The following UBN2 variants were observed in gnomAD, a reference collection of about 807,000 sequenced individuals.
The protein encoded by UBN2 is ubinuclein-2.
A neutral mutation model predicts 120.2 loss-of-function variants in UBN2; 35 were observed. That is an observed-to-expected ratio of 0.29 (90% CI 0.22 to 0.39). UBN2 has a LOEUF of 0.39. Ranked by LOEUF, UBN2 falls within the 10% of genes least tolerant of loss-of-function variation. The probability of loss-of-function intolerance (pLI) is 1.00; values close to 1 mark genes in which losing one functional copy is unlikely to be tolerated. For missense variants in UBN2, 1,693 were observed against 1,663.2 expected (o/e 1.02, Z -0.31); for synonymous variants, 661 against 648.7 (o/e 1.02, Z -0.29).
intron 5 of UBN2, among the ~76,000 whole-genome samples, chr7:139,260,680 AT>A (rs1161052317): frequency 1.3e-5 from 2 of 152,180 alleles, no homozygotes; most frequent in Non-Finnish European, 2.9e-5. Flanking sequence ...GATTACAGTC[AT>A]TAAGAAATTA....
At chr7:139,238,975 G>GT (rs1192462648) in intron 2 of UBN2, among the ~76,000 whole-genome samples, 1 of 152,256 alleles carries the variant, frequency 6.6e-6, no homozygotes, top group East Asian at 1.9e-4. Context: ...AAAATACTGT[G>GT]TTTTTTATAC....
At chr7:139,270,637 G>C (rs1045057755) in intron 8 of UBN2, among the ~76,000 whole-genome samples, 10 of 152,128 alleles carry the variant, frequency 6.6e-5, no homozygotes, top group Non-Finnish European at 1.3e-4. Context: ...CAATTAATTT[G>C]TCCATTTTAC....
chr7:139,272,487 A>G (rs1331941515), intron 9 of UBN2, 47 bp downstream of exon 9: 6 of 1,272,484 alleles, frequency 4.7e-6, no homozygotes, highest in Middle Eastern at 1.9e-4. Flanking sequence ...TGAGAAGTGT[A>G]TGTACGTTAT....
intron 2 of UBN2, 109 bp downstream of exon 2, chr7:139,237,206 C>A: frequency 1.7e-6 from 1 of 605,010 alleles, no homozygotes; most frequent in Non-Finnish European, 2.9e-6. Flanking sequence ...TTACTTTGTT[C>A]TCACCAATGG....
intron 3 of UBN2, among the ~76,000 whole-genome samples, chr7:139,254,324 G>A (rs988742991): frequency 4.6e-5 from 7 of 152,154 alleles, no homozygotes; most frequent in Admixed American, 2.0e-4. Context: ...CTGCTGTCCC[G>A]ACATAAACTT....
the UBN2 span, among the ~76,000 whole-genome samples, chr7:139,325,918 C>T: frequency 6.6e-6 from 1 of 151,954 alleles, no homozygotes; most frequent in African/African-American, 2.4e-5. Flanking sequence ...TTGCACCGGG[C>T]GGTGGCTCAC....
At chr7:139,261,855 A>G in intron 6 of UBN2, 114 bp downstream of exon 6, 1 of 1,134,126 alleles carries the variant, frequency 8.8e-7, no homozygotes, top group Non-Finnish European at 1.2e-6. Context: ...TTTGTTTTTT[A>G]AAGATAAAAA....
chr7:139,280,597 T>C (rs1285211658), intron 13 of UBN2, among the ~76,000 whole-genome samples: 3 of 152,140 alleles, frequency 2.0e-5, no homozygotes, highest in African/African-American at 7.2e-5. Flanking sequence ...CCTGACTTTT[T>C]TGGTGTTAGA....
intron 2 of UBN2, among the ~76,000 whole-genome samples, chr7:139,238,192 C>T (rs1167591804): frequency 6.6e-6 from 1 of 152,112 alleles, no homozygotes; most frequent in Non-Finnish European, 1.5e-5. Context: ...AAGTATCCCA[C>T]AGGAGAAAGG....
At chr7:139,252,092 ATTGT>A (rs1448684174) in intron 3 of UBN2, 35 bp downstream of exon 3, 7 of 1,549,274 alleles carry the variant, frequency 4.5e-6, no homozygotes, top group Non-Finnish European at 6.2e-6. Context: ...CAGCAAATTC[ATTGT>A]TTGTATGGGA....
At position 139,299,644 on chromosome 7, in the gene UBN2, T is replaced by G. The variant is rs555855234; in HGVS notation, c.*1808T>G. 7.9e-5 allele frequency: 12 copies of G among 152,320 alleles called. No homozygotes were observed. The highest frequency in any genetic ancestry group is 2.6e-4 in the African/African-American group (11 of 41,578). 9.4% of individuals were successfully genotyped at this position (152,320 alleles called of 1,614,324 possible). ...TGACTCTAAGAATTTAGTTTATCAA[T>G]AAAACAAATATGGATGTAGTATGAA... is the stretch of plus-strand genomic sequence containing the variant. On this transcript the variant is annotated 3_prime_UTR_variant, in exon 18 of 18. Transcript: ENST00000473989.
intron 1 of UBN2, among the ~76,000 whole-genome samples, chr7:139,233,440 G>A (rs1441796976): frequency 6.6e-6 from 1 of 152,072 alleles, no homozygotes; most frequent in Non-Finnish European, 1.5e-5. Flanking sequence ...ATTATCTTTG[G>A]ATAAAAATAC....
downstream of UBN2, chr7:139,308,330 A>G (rs1798400959): frequency 4.6e-5 from 7 of 152,090 alleles, no homozygotes; most frequent in Admixed American, 4.6e-4. Context: ...ACACTGTGCT[A>G]GGTTTATAGG....
rs531933621 is a variant in UBN2 at position 139,262,971 on chromosome 7, C to T, written c.1395+1230C>T. Among the ~76,000 whole-genome samples, 4 of 152,214 alleles carry T rather than the reference C, an allele frequency of 2.6e-5. No homozygotes were observed. The South Asian group carries it at 8.3e-4, about 32-fold the overall frequency. On this transcript the variant is annotated intron_variant, in intron 6 of 17. Coordinates refer to ENST00000473989, the MANE Select transcript of UBN2 (RefSeq NM_173569.4). ...ATCGTTTATTTAGCAGGAACCAATC[C>T]TGTGTGTTAGTTCCTTATTTATAAG...
intron 2 of UBN2, among the ~76,000 whole-genome samples, chr7:139,250,032 C>G (rs1796579819): frequency 6.6e-6 from 1 of 152,050 alleles, no homozygotes; most frequent in African/African-American, 2.4e-5. Flanking sequence ...CTGCTTCCCC[C>G]ATCCCCTACC....
chr7:139,249,167 A>G (rs1434488218), intron 2 of UBN2, among the ~76,000 whole-genome samples: 1 of 151,944 alleles, frequency 6.6e-6, no homozygotes, highest in East Asian at 1.9e-4. Flanking sequence ...TGAAACTTTT[A>G]CCTAACTTGT....
rs991836318 is a variant in UBN2 at position 139,304,892 on chromosome 7, A to G, written c.*7056A>G. 4.6e-5 allele frequency: 7 copies of G among 152,148 alleles called. No homozygotes were observed. The highest frequency in any genetic ancestry group is 1.7e-4 in the African/African-American group (7 of 41,444). 9.4% of individuals were successfully genotyped at this position (152,148 alleles called of 1,614,324 possible). A position where few individuals can be genotyped will look rare whatever the true frequency, so the allele number is the denominator to read the frequency against. ...ATAACAAATGTTAAGACCCAAAGAAATAAGGCATAAGGGTTTTTGTTGAAT... is the reference window on the plus strand; with the variant it reads ...ATAACAAATGTTAAGACCCAAAGAAGTAAGGCATAAGGGTTTTTGTTGAAT... On this transcript the variant is annotated 3_prime_UTR_variant, in exon 18 of 18. Coordinates refer to ENST00000473989, the MANE Select transcript of UBN2 (RefSeq NM_173569.4).
chr7:139,250,118 G>A (rs976483819), intron 2 of UBN2, among the ~76,000 whole-genome samples: 20 of 152,278 alleles, frequency 1.3e-4, no homozygotes, highest in African/African-American at 4.8e-4. Context: ...GCTTGTGTCT[G>A]TAGTCCTGGC....
At position 139,297,888 on chromosome 7, in the gene UBN2, CTG is replaced by C. The variant is rs1798155340; in HGVS notation, c.*53_*54del. On this transcript the variant is annotated 3_prime_UTR_variant, in exon 18 of 18. Transcript: ENST00000473989. ...TGTTTAGTTGACTGATGGAATCTAC[CTG>C]ATGGGAAAGTACTTATGTGGTCATA... 1 of 1,591,756 alleles carries C rather than the reference CTG, an allele frequency of 6.3e-7. No individual in the cohort carries two copies. Among genetic ancestry groups the C allele is most frequent in the African/African-American group, 1.3e-5 (1 of 74,450 alleles).
Sources: allele counts gnomAD v4.1 joint callset (sites outside exome capture counted in the v4.1 genomes callset), GRCh38; gene constraint gnomAD v4.1.1; transcripts MANE v1.5; gene names NCBI Gene and HGNC (gene_info 2026-07-23, HGNC 2026-07-21).